CCDC187: variants seen among roughly 807,000 people sequenced by gnomAD.
CCDC187 encodes the protein coiled-coil domain-containing protein 187.
Under a neutral mutation model 38.0 loss-of-function variants are expected in CCDC187, and 32 were observed. That is an observed-to-expected ratio of 0.84 (90% CI 0.64 to 1.13). The LOEUF is 1.13. Ranked by LOEUF, CCDC187 falls within the 50% of genes most tolerant of loss-of-function variation. CCDC187 has a pLI of 0.00. For synonymous variants in CCDC187, 333 were observed against 347.9 expected, an observed-to-expected ratio of 0.96 and a Z score of 0.48; for missense variants, 707 against 786.8, an observed-to-expected ratio of 0.90 and a Z score of 1.21.
Position 136,291,356 on chromosome 9 carries a change from G to A in CCDC187, c.1257C>T (p.Ala419=). Residue 419 remains alanine, a synonymous_variant, in exon 6 of 26, where the codon GCC becomes GCT. Transcript: ENST00000638797. ...AGGGACTCTTAGAGAAGGAGCTCTGGGCATTGGGGTCCCTGCAGCAGCCCC... is the reference window on the plus strand; with the variant it reads ...AGGGACTCTTAGAGAAGGAGCTCTGAGCATTGGGGTCCCTGCAGCAGCCCC... The part of the protein sequence containing the change: ...AGRGCCRDPN[A]QSSFSKSPWA... 1 of 398,972 alleles carries A rather than the reference G, an allele frequency of 2.5e-6. No homozygotes were observed. The highest frequency in any genetic ancestry group is 4.4e-6 in the Non-Finnish European group (1 of 226,324). The allele number at this position is 398,972 out of a possible 1,614,324, so 24.7% of individuals were successfully genotyped here. A position where few individuals can be genotyped will look rare whatever the true frequency, so the allele number is the denominator to read the frequency against.
intron 10 of CCDC187, among the ~76,000 whole-genome samples, chr9:136,280,140 C>T (rs1831010669): frequency 6.6e-6 from 1 of 152,264 alleles, no homozygotes; most frequent in Non-Finnish European, 1.5e-5. Flanking sequence ...TGCCGCCCCA[C>T]CCCACCGGCA....
chr9:136,295,197 G>A (rs1239678731), intron 4 of CCDC187, among the ~76,000 whole-genome samples: 9 of 152,352 alleles, frequency 5.9e-5, no homozygotes, highest in Non-Finnish European at 8.8e-5. Context: ...GGGAGCCCCG[G>A]TGGGGTTTCT....
chr9:136,270,217 G>T (rs62579928), intron 14 of CCDC187, among the ~76,000 whole-genome samples: 17,112 of 152,200 alleles, frequency 0.11, 1,243 homozygotes, highest in Admixed American at 0.2. Flanking sequence ...GGCAAAGAGA[G>T]AAAGAGAAAA....
At chr9:136,285,987 G>A (rs1361721172) in intron 8 of CCDC187, 98 bp downstream of exon 8, 8 of 397,476 alleles carry the variant, frequency 2.0e-5, no homozygotes, top group Admixed American at 8.8e-5. Context: ...TTCCAGAAAG[G>A]AAACCAAGGC....
chr9:136,282,310 C>T (rs1273110052), intron 9 of CCDC187, among the ~76,000 whole-genome samples: 1 of 152,134 alleles, frequency 6.6e-6, no homozygotes, highest in African/African-American at 2.4e-5. Flanking sequence ...CTGGCCAGCA[C>T]GCAAGGCTGA....
intron 14 of CCDC187, 137 bp from the exon 15 acceptor site, chr9:136,268,262 G>C (rs1165223507): frequency 2.9e-6 from 1 of 341,478 alleles, no homozygotes; most frequent in Non-Finnish European, 4.1e-6. Flanking sequence ...CGGACACACA[G>C]GGCTTCACGC....
At chr9:136,289,375 C>T (rs36132693) in intron 7 of CCDC187, among the ~76,000 whole-genome samples, 3,145 of 151,998 alleles carry the variant, frequency 0.021, 42 homozygotes, top group Non-Finnish European at 0.032. Flanking sequence ...AAAAATTAGC[C>T]GGGCGTTGTG....
At chr9:136,268,025 C>G in intron 15 of CCDC187, 24 bp downstream of exon 15, 1 of 985,278 alleles carries the variant, frequency 1.0e-6, no homozygotes, top group Non-Finnish European at 1.2e-6. Flanking sequence ...TTGTGCCTCT[C>G]CCCCAGGGGA....
At chr9:136,277,173 T>C (rs1157895808) in intron 10 of CCDC187, among the ~76,000 whole-genome samples, 2 of 150,706 alleles carry the variant, frequency 1.3e-5, no homozygotes, top group Admixed American at 1.3e-4. Context: ...CAGAGCCCAG[T>C]GGGGACACAG....
At position 136,258,046 on chromosome 9, in the gene CCDC187, G is replaced by A. The variant is rs996498506; in HGVS notation, c.4366+886C>T. Reference sequence around the variant, plus strand: ...CCCCGAACGGTGACAGCTGGTACACGTGGCCATGCGGCGAGGGAGGCTTCA... The same window carrying A: ...CCCCGAACGGTGACAGCTGGTACACATGGCCATGCGGCGAGGGAGGCTTCA... On this transcript the variant is annotated intron_variant, in intron 22 of 25. Coordinates refer to ENST00000638797, the MANE Select transcript of CCDC187 (RefSeq NM_001378188.1). The surrounding 1 kb of genome is among the most constrained non-coding windows in gnomAD (Gnocchi z 4.3). Among the ~76,000 whole-genome samples the A allele has an allele frequency of 5.9e-5, 9 of 152,180 alleles. No individual in the cohort carries two copies. Among genetic ancestry groups the A allele is most frequent in the South Asian group, 2.1e-4 (1 of 4,832 alleles).
At chr9:136,271,542 G>A (rs1385285661) in intron 14 of CCDC187, among the ~76,000 whole-genome samples, 1 of 151,038 alleles carries the variant, frequency 6.6e-6, no homozygotes, top group Non-Finnish European at 1.5e-5. Flanking sequence ...ATTAAAAAAT[G>A]AAGAATAACA....
At chr9:136,261,652 C>T (rs1336006056) in intron 19 of CCDC187, among the ~76,000 whole-genome samples, 1 of 152,224 alleles carries the variant, frequency 6.6e-6, no homozygotes, top group Non-Finnish European at 1.5e-5. Flanking sequence ...GAGCCAATGG[C>T]CGAGCCTGAG....
rs1830574049 is a variant in CCDC187, at chr9:136,253,501, G to A, written c.*93C>T. 6 of 711,994 alleles carry A rather than the reference G, an allele frequency of 8.4e-6. No homozygotes were observed. The highest frequency in any genetic ancestry group is 1.0e-5 in the Non-Finnish European group (6 of 580,202). The allele number at this position is 711,994 out of a possible 1,614,324, so 44.1% of individuals were successfully genotyped here. On this transcript the variant is annotated 3_prime_UTR_variant, in exon 26 of 26. Transcript: ENST00000638797. ...AGCTGACAGGTTCAGGCCACTGGCTGCCTCCGGCCTCATCCCCTGCTGCAG... is the reference window on the plus strand; with the variant it reads ...AGCTGACAGGTTCAGGCCACTGGCTACCTCCGGCCTCATCCCCTGCTGCAG...
upstream of CCDC187, among the ~76,000 whole-genome samples, chr9:136,306,609 G>A (rs893830460): frequency 1.2e-4 from 19 of 152,196 alleles, no homozygotes; most frequent in Non-Finnish European, 2.5e-4. Flanking sequence ...ACCAGCGGAT[G>A]AGGCTCAGCC....
At chr9:136,298,616 A>T (rs1564327554) in intron 3 of CCDC187, among the ~76,000 whole-genome samples, 1 of 152,242 alleles carries the variant, frequency 6.6e-6, no homozygotes, top group Non-Finnish European at 1.5e-5. Context: ...TCCAAACGCC[A>T]CTTGGTCCAG....
At chr9:136,262,198 C>T (rs1212960085) in intron 19 of CCDC187, 113 bp downstream of exon 19, 9 of 936,318 alleles carry the variant, frequency 9.6e-6, no homozygotes, top group Non-Finnish European at 1.3e-6. Context: ...ACACGTGCCA[C>T]CCCGGCCCCT....
rs1554759091 is a variant in CCDC187, at chr9:136,250,188, G to C, written c.*3406C>G. 6.2e-6 allele frequency: 1 copy of C among 160,330 alleles called. No individual in the cohort carries two copies. The highest frequency in any genetic ancestry group is 5.8e-5 in the Admixed American group (1 of 17,348). 9.9% of individuals were successfully genotyped at this position (160,330 alleles called of 1,614,324 possible). ...AGCGGCTTTTTCTCCGGTGCTCAGA[G>C]TAACCTGACGGCTCCGGCCCCCTCC... On this transcript the variant is annotated 3_prime_UTR_variant, in exon 26 of 26. Transcript: ENST00000638797.
In CCDC187 at chr9:136,252,468, C is replaced by T. The variant is rs112795529; in HGVS notation, c.*1126G>A. The T allele has an allele frequency of 0.1, 19,552 of 191,154 alleles. 1,195 individuals are homozygous for T. Among genetic ancestry groups the T allele is most frequent in the Admixed American group, 0.2 (2,952 of 15,054 alleles). 11.8% of individuals were successfully genotyped at this position (191,154 alleles called of 1,614,324 possible). ...CAGGCAACCGTCCCGCACAGCCGGCCGCCCACCCGGTCCACCCTGGGAAGG... is the reference window on the plus strand; with the variant it reads ...CAGGCAACCGTCCCGCACAGCCGGCTGCCCACCCGGTCCACCCTGGGAAGG... On this transcript the variant is annotated 3_prime_UTR_variant, in exon 26 of 26. Transcript: ENST00000638797.
At chr9:136,262,205 C>G in intron 19 of CCDC187, 106 bp downstream of exon 19, 10 of 957,190 alleles carry the variant, frequency 1.0e-5, no homozygotes, top group Non-Finnish European at 1.2e-5. Context: ...CCACCCCGGC[C>G]CCTGAGCCAG....
Sources: gnomAD v4.1 joint callset for allele counts (sites outside exome capture counted in the v4.1 genomes callset) on GRCh38, gnomAD v4.1.1 for gene constraint, Gnocchi (gnomAD v3.1) non-coding constraint, MANE v1.5 for transcripts, NCBI Gene and HGNC (gene_info 2026-07-23, HGNC 2026-07-21) for gene names.